Variants in EYA2 observed in about 807,000 individuals in gnomAD.
The protein encoded by EYA2 is protein phosphatase EYA2.
In EYA2, 31 loss-of-function variants were observed where a neutral mutation model predicts 69.2. The observed-to-expected ratio is 0.45, with a 90% CI of 0.34 to 0.60. EYA2 has a LOEUF of 0.60. Ranked by LOEUF, EYA2 falls within the 20% of genes least tolerant of loss-of-function variation. The pLI, the probability that EYA2 is intolerant of heterozygous loss-of-function variation, is 0.02. For synonymous variants in EYA2, 257 were observed against 279.4 expected (o/e 0.92, Z 0.80); for missense variants, 622 against 701.2 (o/e 0.89, Z 1.28).
chr20:46,908,401 A>G (rs181093526), intron 1 of EYA2, among the ~76,000 whole-genome samples: 308 of 152,356 alleles, frequency 2.0e-3, no homozygotes, highest in African/African-American at 7.0e-3. Flanking sequence ...AGCAAGGACA[A>G]AAGTCCTGAA....
At chr20:46,909,135 G>T (rs529532130) in intron 1 of EYA2, among the ~76,000 whole-genome samples, 8 of 152,064 alleles carry the variant, frequency 5.3e-5, no homozygotes, top group African/African-American at 9.6e-5. Flanking sequence ...TCTTGATGAT[G>T]ATTATTATGT....
intron 1 of EYA2, among the ~76,000 whole-genome samples, chr20:46,920,382 G>T (rs554392366): frequency 4.5e-4 from 68 of 152,224 alleles, no homozygotes; most frequent in African/African-American, 1.6e-3. Flanking sequence ...AAAATGGTCT[G>T]TTATTTTTAT....
At position 47,183,337 on chromosome 20, in the gene EYA2, A is replaced by G; in HGVS notation, c.1482A>G (p.Lys494=). The change falls in exon 15 of 16, where the codon AAA becomes AAG. Residue 494 remains lysine, a synonymous_variant. Transcript: ENST00000327619. The stretch of plus-strand genomic sequence containing the variant: ...GGATAATGCAGAGATTCGGCAGAAA[A>G]GCTGTCTACGTGGTGATCGGTGATG... ...FERIMQRFGR[K]AVYVVIGDGV... 1 of 1,614,072 alleles carries G rather than the reference A, an allele frequency of 6.2e-7. No homozygotes were observed. The highest frequency in any genetic ancestry group is 1.7e-5 in the Admixed American group (1 of 60,012).
At chr20:47,023,038 T>A (rs1265916936) in intron 5 of EYA2, among the ~76,000 whole-genome samples, 1 of 151,992 alleles carries the variant, frequency 6.6e-6, no homozygotes, top group East Asian at 1.9e-4. Flanking sequence ...ATATTCCTTT[T>A]GTAATAAAAA....
At chr20:47,063,639 A>C (rs1344436838) in intron 5 of EYA2, among the ~76,000 whole-genome samples, 1 of 152,148 alleles carries the variant, frequency 6.6e-6, no homozygotes, top group Non-Finnish European at 1.5e-5. Context: ...TTGTGGGCCA[A>C]GTCTTCATTT....
chr20:47,157,420 T>G (rs543173512), intron 10 of EYA2, among the ~76,000 whole-genome samples: 1 of 146,630 alleles, frequency 6.8e-6, no homozygotes, highest in African/African-American at 2.5e-5. Flanking sequence ...AGAAGGGCAG[T>G]CCAGATTGGC....
chr20:46,932,681 G>T, intron 1 of EYA2, among the ~76,000 whole-genome samples: 1 of 152,142 alleles, frequency 6.6e-6, no homozygotes. Flanking sequence ...TCAGGAGTTC[G>T]AGACCAGCCT....
At chr20:47,072,075 C>A in intron 5 of EYA2, 110 bp from the exon 6 acceptor site, 1 of 971,308 alleles carries the variant, frequency 1.0e-6, no homozygotes, top group Non-Finnish European at 1.7e-6. Context: ...TTCTGCCCAG[C>A]TGTCACCCTT....
intron 1 of EYA2, among the ~76,000 whole-genome samples, chr20:46,902,696 A>G (rs1984171649): frequency 6.6e-6 from 1 of 152,204 alleles, no homozygotes; most frequent in South Asian, 2.1e-4. Flanking sequence ...AAAGTAAGAG[A>G]CGCCAGCAGA....
At chr20:47,055,818 T>C (rs565342568) in intron 5 of EYA2, among the ~76,000 whole-genome samples, 1 of 152,344 alleles carries the variant, frequency 6.6e-6, no homozygotes, top group Admixed American at 6.5e-5. Flanking sequence ...CAGTCCAGCA[T>C]GTGCTCAGAG....
intron 5 of EYA2, among the ~76,000 whole-genome samples, chr20:47,026,506 CA>C (rs1466711223): frequency 6.6e-6 from 1 of 150,402 alleles, no homozygotes; most frequent in East Asian, 1.9e-4. Context: ...AAAAAACAAG[CA>C]AACAAACAAA....
intron 5 of EYA2, among the ~76,000 whole-genome samples, chr20:47,061,237 G>C (rs1257627753): frequency 6.6e-6 from 1 of 152,046 alleles, no homozygotes; most frequent in African/African-American, 2.4e-5. Context: ...CCTCCTTTAA[G>C]AAAATCAGGC....
chr20:47,147,206 G>A (rs2033721688), intron 10 of EYA2, among the ~76,000 whole-genome samples: 1 of 151,878 alleles, frequency 6.6e-6, no homozygotes, highest in Non-Finnish European at 1.5e-5. Context: ...ACGCCACCAT[G>A]TCCAGCTAAT....
At chr20:46,909,795 T>C (rs6018158) in intron 1 of EYA2, among the ~76,000 whole-genome samples, 90,959 of 151,934 alleles carry the variant, frequency 0.6, 27,577 homozygotes, top group African/African-American at 0.67. Flanking sequence ...TCCCCCAAAA[T>C]TGTACCTATA....
intron 10 of EYA2, among the ~76,000 whole-genome samples, chr20:47,162,155 C>T (rs534605190): frequency 6.8e-4 from 103 of 152,158 alleles, no homozygotes; most frequent in Non-Finnish European, 1.1e-3. Flanking sequence ...TGTCCAAATA[C>T]CCCCTTTATA....
intron 15 of EYA2, among the ~76,000 whole-genome samples, chr20:47,185,229 CT>C (rs1166632955): frequency 2.8e-5 from 4 of 141,950 alleles, no homozygotes; most frequent in Non-Finnish European, 6.0e-5. Flanking sequence ...AGAACATTCT[CT>C]TTCTTCCACC....
intron 5 of EYA2, among the ~76,000 whole-genome samples, chr20:47,039,798 C>T (rs1568739629): frequency 1.4e-5 from 2 of 141,014 alleles, no homozygotes; most frequent in African/African-American, 2.7e-5. Context: ...TGTTTCCCAG[C>T]TTCTTCATCT....
chr20:47,130,261 C>CTTTTTTTTTTTCTTTTTTT, intron 9 of EYA2, among the ~76,000 whole-genome samples: 1 of 81,260 alleles, frequency 1.2e-5, no homozygotes, highest in Non-Finnish European at 2.2e-5. Context: ...GGTTTATTTT[C>CTTTTTTTTTTTCTTTTTTT]TTTTTTTTTT....
At chr20:47,140,937 C>CT (rs1256761919) in intron 9 of EYA2, among the ~76,000 whole-genome samples, 2 of 152,140 alleles carry the variant, frequency 1.3e-5, no homozygotes, top group African/African-American at 4.8e-5. Context: ...GAAGTCAACT[C>CT]TTTTAACAAC....
Sources: gnomAD v4.1 joint callset for allele counts (sites outside exome capture counted in the v4.1 genomes callset) on GRCh38, gnomAD v4.1.1 for gene constraint, MANE v1.5 for transcripts, NCBI Gene and HGNC (gene_info 2026-07-23, HGNC 2026-07-21) for gene names.